The following RAB40B variants were observed in gnomAD, a reference collection of about 807,000 sequenced individuals.
RAB40B encodes RAB40B, member RAS oncogene family.
Under a neutral mutation model 24.0 loss-of-function variants are expected in RAB40B, and 21 were observed. The ratio of observed to expected loss-of-function variants is 0.88; its 90% CI spans 0.62 to 1.26. RAB40B has a LOEUF of 1.26. Among genes scored for constraint, RAB40B ranks in the 50% most tolerant of loss-of-function variants. RAB40B has a pLI of 0.00. For missense variants in RAB40B, 348 were observed against 390.5 expected, an observed-to-expected ratio of 0.89 and a Z score of 0.92; for synonymous variants, 167 against 169.8, an observed-to-expected ratio of 0.98 and a Z score of 0.13.
At chr17:82,689,766 A>G (rs1296557389) in intron 1 of RAB40B, among the ~76,000 whole-genome samples, 1 of 152,148 alleles carries the variant, frequency 6.6e-6, no homozygotes, top group Non-Finnish European at 1.5e-5. Flanking sequence ...CAGGAGTTCA[A>G]GATCAGCCTG....
chr17:82,674,211 G>A (rs932459828), intron 1 of RAB40B, among the ~76,000 whole-genome samples: 1 of 152,054 alleles, frequency 6.6e-6, no homozygotes, highest in African/African-American at 2.4e-5. Context: ...GTGGTGGCGG[G>A]TGCCTGTAAT....
chr17:82,684,844 T>A (rs371761626), intron 1 of RAB40B, among the ~76,000 whole-genome samples: 10 of 152,122 alleles, frequency 6.6e-5, no homozygotes, highest in African/African-American at 2.4e-4. Context: ...CCAGGCACGG[T>A]GGCCCACGCC....
At chr17:82,669,989 T>G (rs905268680) in intron 1 of RAB40B, among the ~76,000 whole-genome samples, 3 of 152,032 alleles carry the variant, frequency 2.0e-5, no homozygotes, top group African/African-American at 7.2e-5. Context: ...ACGAATACAC[T>G]TGGGAATCTA....
chr17:82,671,036 ATACT>A (rs1346214371), intron 1 of RAB40B, among the ~76,000 whole-genome samples: 1 of 151,970 alleles, frequency 6.6e-6, no homozygotes, highest in Non-Finnish European at 1.5e-5. Flanking sequence ...GATGAAGAAC[ATACT>A]TACATTCCTA....
In RAB40B at chr17:82,663,170, A is replaced by G. The variant is rs544606436; in HGVS notation, c.203+1326T>C. Reference sequence around the variant, plus strand: ...CTGGGCGGGAGGCCTGAAGCTGTGCAGCAGGAAGGGTCGGGGCGCTTGGGG... The same window carrying G: ...CTGGGCGGGAGGCCTGAAGCTGTGCGGCAGGAAGGGTCGGGGCGCTTGGGG... On this transcript the variant is annotated intron_variant, in intron 2 of 5. Transcript: ENST00000571995. The surrounding 1 kb of genome is among the most constrained non-coding windows in gnomAD (Gnocchi z 6.2). Among the ~76,000 whole-genome samples, 2 of 152,072 alleles carry G rather than the reference A, an allele frequency of 1.3e-5. No homozygotes were observed. The highest frequency in any genetic ancestry group is 6.5e-5 in the Admixed American group (1 of 15,270).
At chr17:82,658,916 T>C in intron 4 of RAB40B, 1 of 561,368 alleles carries the variant, frequency 1.8e-6, no homozygotes. Flanking sequence ...CCTCATCTAA[T>C]GACTGGTGTC....
chr17:82,661,828 A>G (rs1394195089), intron 2 of RAB40B: 1 of 764,430 alleles, frequency 1.3e-6, no homozygotes, highest in Non-Finnish European at 1.6e-6. Context: ...CGGAGGTTGC[A>G]GTGAGCTGAT....
intron 1 of RAB40B, among the ~76,000 whole-genome samples, chr17:82,679,240 T>C (rs2046425392): frequency 6.6e-6 from 1 of 151,690 alleles, no homozygotes; most frequent in African/African-American, 2.4e-5. Flanking sequence ...TCCGGTAGCC[T>C]GAAGGACACC....
At position 82,698,530 on chromosome 17, in the gene RAB40B, T is replaced by G; in HGVS notation, c.67A>C (p.Ser23Arg). ...FLLKFLLVGD[S>R]DVGKGEILAS... ...AGGATCTCGCCCTTGCCCACGTCGC[T>G]GTCGCCCACCAGCAGGAACTTGAGC... The change falls in exon 1 of 6, where the codon AGC becomes CGC. Residue 23 changes from serine (S) to arginine (R), a missense_variant. Physicochemically the swap from Ser to Arg is moderately radical, Grantham distance 110 (BLOSUM62 -1). Transcript: ENST00000571995. 1 of 1,530,184 alleles carries G rather than the reference T, an allele frequency of 6.5e-7. No individual in the cohort carries two copies. 94.8% of individuals were successfully genotyped at this position (1,530,184 alleles called of 1,614,324 possible).
In RAB40B at chr17:82,659,622, C is replaced by T; in HGVS notation, c.300G>A (p.Trp100Ter). ...VILVYDIANR[W>*]SFDGIDRWIK... ...TCCATCGATCAATGCCGTCAAAAGA[C>T]CAGCGGTTCGCAATGTCATAGACCA... Residue 100 changes from tryptophan to a stop codon, truncating the protein, a stop_gained, in exon 4 of 6, where the codon TGG becomes TGA. Transcript: ENST00000571995. LOFTEE classifies it high-confidence loss of function. 6.2e-7 allele frequency: 1 copy of T among 1,614,166 alleles called. No individual in the cohort carries two copies. The highest frequency in any genetic ancestry group is 8.5e-7 in the Non-Finnish European group (1 of 1,180,032).
At chr17:82,669,216 C>T (rs552491666) in intron 1 of RAB40B, among the ~76,000 whole-genome samples, 2 of 152,124 alleles carry the variant, frequency 1.3e-5, no homozygotes, top group African/African-American at 4.8e-5. Flanking sequence ...TGGCTCACGC[C>T]TGTAATCCCA....
At position 82,657,917 on chromosome 17, in the gene RAB40B, GC is replaced by G. The variant is rs1568026925; in HGVS notation, c.782del (p.Arg261ProfsTer91). The stretch of plus-strand genomic sequence containing the variant: ...AGTTTTTGGGGGGGCTCTGGGGGGG[GC>G]GGACGAGCTTCACTTTGCGGAGGCT... ...RSSLRKVKLVRPPQSPPKNCT... is the reference protein window; with the variant it reads ...RSSLRKVKLVXPPQSPPKNCT... On this transcript the variant is annotated frameshift_variant, in exon 6 of 6. Transcript: ENST00000571995. LOFTEE classifies it low-confidence loss of function (END_TRUNC). The G allele has an allele frequency of 6.8e-6, 7 of 1,026,290 alleles. No homozygotes were observed. Among genetic ancestry groups the G allele is most frequent in the Non-Finnish European group, 1.0e-5 (7 of 685,796 alleles). The allele number at this position is 1,026,290 out of a possible 1,614,324, so 63.6% of individuals were successfully genotyped here. A position where few individuals can be genotyped will look rare whatever the true frequency, so the allele number is the denominator to read the frequency against.
At chr17:82,691,890 G>C (rs1327854133) in intron 1 of RAB40B, among the ~76,000 whole-genome samples, 1 of 151,956 alleles carries the variant, frequency 6.6e-6, no homozygotes, top group Non-Finnish European at 1.5e-5. Flanking sequence ...CGTGAACCGG[G>C]GACCCAGCTG....
intron 1 of RAB40B, among the ~76,000 whole-genome samples, chr17:82,677,462 C>T (rs930551009): frequency 5.3e-5 from 8 of 152,204 alleles, no homozygotes; most frequent in East Asian, 1.9e-4. Context: ...GGTGGCCCAT[C>T]CTGCAGCGGC....
In RAB40B at chr17:82,658,100, G is replaced by C. The variant is rs78764686; in HGVS notation, c.600C>G (p.Val200=). The C allele has an allele frequency of 6.2e-7, 1 of 1,614,166 alleles. No individual in the cohort carries two copies. The highest frequency in any genetic ancestry group is 2.2e-5 in the East Asian group (1 of 44,882). Residue 200 remains valine (V), a synonymous_variant, in exon 6 of 6, where the codon GTC becomes GTG. Coordinates refer to ENST00000571995, the MANE Select transcript of RAB40B (RefSeq NM_006822.3). The part of the protein sequence containing the change: ...LSLQDLCCRA[V]VSCTPVHLVD... ...CCAGGTGCACCGGCGTGCAGGACAC[G>C]ACCGCCCGGCAGCAGAGGTCTTGCA...
chr17:82,662,257 C>T lies in RAB40B; in HGVS notation c.204-1210G>A, dbSNP rs558274656. On this transcript the variant is annotated intron_variant, in intron 2 of 5. Coordinates refer to ENST00000571995, the MANE Select transcript of RAB40B (RefSeq NM_006822.3). ...CTCATTTCCTGAGAAGCAAATTGAT[C>T]TAGAATTCAAGCCTCAGCAGGACCT... 27 of 985,472 alleles carry T rather than the reference C, an allele frequency of 2.7e-5. No individual in the cohort carries two copies. The South Asian group carries it at 9.9e-4, about 36-fold the overall frequency. 61.0% of individuals were successfully genotyped at this position (985,472 alleles called of 1,614,324 possible). A position where few individuals can be genotyped will look rare whatever the true frequency, so the allele number is the denominator to read the frequency against.
In RAB40B at chr17:82,662,452, C is replaced by T. The variant is rs896458087; in HGVS notation, c.204-1405G>A. 9 of 985,330 alleles carry T rather than the reference C, an allele frequency of 9.1e-6. No homozygotes were observed. In the African/African-American group the frequency reaches 1.0e-4, roughly 11 times the overall value. The allele number at this position is 985,330 out of a possible 1,614,324, so 61.0% of individuals were successfully genotyped here. ...TCCCTCCTCAGCTGGGACAACGTGC[C>T]GGCCTCCTGGGCCGCTGCCACCCTG... On this transcript the variant is annotated intron_variant, in intron 2 of 5. Coordinates refer to ENST00000571995, the MANE Select transcript of RAB40B (RefSeq NM_006822.3).
At chr17:82,664,808 G>A (rs2046234009) in intron 1 of RAB40B, 1 of 449,482 alleles carries the variant, frequency 2.2e-6, no homozygotes, top group African/African-American at 2.0e-5. Context: ...CTGGCCCAGG[G>A]GGCTCCCCGA....
At chr17:82,666,222 A>G (rs1366182509) in intron 1 of RAB40B, among the ~76,000 whole-genome samples, 1 of 151,312 alleles carries the variant, frequency 6.6e-6, no homozygotes, top group African/African-American at 2.4e-5. Flanking sequence ...GATTACAGGC[A>G]TGAACCACCA....
Sources: allele counts gnomAD v4.1 joint callset (sites outside exome capture counted in the v4.1 genomes callset), GRCh38; gene constraint gnomAD v4.1.1; non-coding constraint Gnocchi (gnomAD v3.1); transcripts MANE v1.5; gene names NCBI Gene and HGNC (gene_info 2026-07-23, HGNC 2026-07-21).